Variants in JADE3 observed in about 807,000 individuals in gnomAD.
The protein encoded by JADE3 is jade family PHD finger 3, also known as protein Jade-3.
In JADE3, 2 loss-of-function variants were observed where a neutral mutation model predicts 50.1. The observed-to-expected ratio is 0.04, with a 90% CI of 0.02 to 0.13. The LOEUF (loss-of-function observed/expected upper bound fraction) is 0.13. Ranked by LOEUF, JADE3 falls within the 10% of genes least tolerant of loss-of-function variation. The pLI, the probability that JADE3 is intolerant of heterozygous loss-of-function variation, is 1.00. For synonymous variants in JADE3, 218 were observed against 232.9 expected (o/e 0.94, Z 0.58); for missense variants, 475 against 634.4 (o/e 0.75, Z 2.70).
chrX:47,058,763 A>G lies in JADE3; in HGVS notation c.2158A>G (p.Thr720Ala), dbSNP rs373703041. Reference sequence around the variant, plus strand: ...CTTTAGTAGGTCCTTTAAAGAGACCACCAATAGGTGGGTGAAGAACACAGA... The same window carrying G: ...CTTTAGTAGGTCCTTTAAAGAGACCGCCAATAGGTGGGTGAAGAACACAGA... ...EHFSRSFKET[T>A]NRWVKNTEDL... Residue 720 changes from threonine to alanine, a missense_variant, in exon 11 of 11, where the codon ACC becomes GCC. Thr to Ala is a moderately conservative substitution (Grantham distance 58). Around this residue, in one of 6 missense-constraint regions of JADE3, gnomAD observed 243 missense variants for 238.2 expected, o/e 1.02. Coordinates refer to ENST00000614628, the MANE Select transcript of JADE3 (RefSeq NM_014735.5). The G allele has an allele frequency of 4.1e-6, 5 of 1,208,121 alleles. No individual in the cohort carries two copies. The African/African-American group carries it at 7.0e-5, about 17-fold the overall frequency.
chrX:46,988,968 T>C (rs1217884957), intron 3 of JADE3, among the ~76,000 whole-genome samples: 2 of 112,290 alleles, frequency 1.8e-5, no homozygotes, highest in Non-Finnish European at 3.8e-5. Context: ...GCCTCCCAAG[T>C]AGCTGGGAGT....
chrX:46,937,984 A>T (rs1926671159), intron 1 of JADE3, among the ~76,000 whole-genome samples: 1 of 111,717 alleles, frequency 9.0e-6, no homozygotes, highest in Non-Finnish European at 1.9e-5. Flanking sequence ...ATCTCAAATA[A>T]ATAAACAAAT....
At position 47,060,241 on chromosome X, in the gene JADE3, G is replaced by GGC. The variant is rs1556374851; in HGVS notation, c.*1165_*1166insCG. 3 of 102,649 alleles carry GGC rather than the reference G, an allele frequency of 2.9e-5. No individual in the cohort carries two copies. The highest frequency in any genetic ancestry group is 6.0e-5 in the Non-Finnish European group (3 of 50,153). 8.5% of individuals were successfully genotyped at this position (102,649 alleles called of 1,213,427 possible). On this transcript the variant is annotated 3_prime_UTR_variant, in exon 11 of 11. Transcript: ENST00000614628. ...GGAAGAGAATAATTACATTTGCGGG[G>GGC]GGGGGGGTGGATAAAAACATGTCTG... is the stretch of plus-strand genomic sequence containing the variant.
intron 8 of JADE3, among the ~76,000 whole-genome samples, chrX:47,053,269 T>A (rs908249195): frequency 2.7e-5 from 3 of 110,314 alleles, no homozygotes; most frequent in Non-Finnish European, 5.7e-5. Flanking sequence ...TTTTAAAAAA[T>A]TCTTTTTGAG....
At chrX:46,948,809 CCTTT>C (rs1322787673) in intron 1 of JADE3, among the ~76,000 whole-genome samples, 1 of 111,822 alleles carries the variant, frequency 8.9e-6, no homozygotes, top group Admixed American at 9.5e-5. Context: ...CCTGAGTACC[CCTTT>C]CTTCTACCGC....
chrX:47,001,772 T>C (rs1447740040), intron 4 of JADE3, among the ~76,000 whole-genome samples: 2 of 112,174 alleles, frequency 1.8e-5, no homozygotes, highest in African/African-American at 6.5e-5. Flanking sequence ...CAATTAACAT[T>C]TTTAAGTACT....
At chrX:47,044,983 T>G (rs1418167350) in intron 8 of JADE3, among the ~76,000 whole-genome samples, 1 of 110,146 alleles carries the variant, frequency 9.1e-6, no homozygotes, top group African/African-American at 3.3e-5. Context: ...CCTGAGAATA[T>G]CACCTTCACT....
At chrX:46,919,291 G>T (rs1395215881) in intron 1 of JADE3, among the ~76,000 whole-genome samples, 1 of 111,697 alleles carries the variant, frequency 9.0e-6, no homozygotes, top group Non-Finnish European at 1.9e-5. Flanking sequence ...GAAAACCCTA[G>T]TGTATTAGAC....
intron 1 of JADE3, among the ~76,000 whole-genome samples, chrX:46,934,686 C>T (rs1328018879): frequency 9.1e-6 from 1 of 110,279 alleles, no homozygotes; most frequent in Non-Finnish European, 1.9e-5. Flanking sequence ...CCAACTACCT[C>T]GGCCTCCCAA....
chrX:47,043,518 C>T (rs1398049130), intron 8 of JADE3, among the ~76,000 whole-genome samples: 2 of 112,309 alleles, frequency 1.8e-5, no homozygotes, highest in East Asian at 5.6e-4. Context: ...TTAACAAAGA[C>T]ATTGAAGTAA....
intron 1 of JADE3, among the ~76,000 whole-genome samples, chrX:46,952,345 G>T (rs782726634): frequency 7.1e-5 from 8 of 112,051 alleles, no homozygotes; most frequent in Non-Finnish European, 1.3e-4. Flanking sequence ...TTTCTGTGGG[G>T]TGTAGTTCAA....
chrX:47,005,755 G>A (rs984078150), intron 4 of JADE3, among the ~76,000 whole-genome samples: 6 of 111,634 alleles, frequency 5.4e-5, no homozygotes, highest in Non-Finnish European at 9.4e-5. Context: ...GGAAACAATA[G>A]CAAGGCATTC....
rs1556373017 is a variant in JADE3 at position 47,054,616 on chromosome X, G to T, written c.1431G>T (p.Gln477His). ...TGAGAATGTTTATGCATCTACGCCA[G>T]GACCTGGAGAGGGTAAGGTGACCAG... is the stretch of plus-strand genomic sequence containing the variant. ...TRMRMFMHLR[Q>H]DLERVRNLCY... The change falls in exon 9 of 11, where the codon CAG becomes CAT. Residue 477 changes from glutamine to histidine, a missense_variant. Transcript: ENST00000614628. The T allele has an allele frequency of 8.4e-7, 1 of 1,183,655 alleles. No homozygotes were observed. The highest frequency in any genetic ancestry group is 1.8e-5 in the African/African-American group (1 of 56,961).
chrX:47,050,172 G>A (rs1203279934), intron 8 of JADE3, among the ~76,000 whole-genome samples: 2 of 106,988 alleles, frequency 1.9e-5, no homozygotes, highest in Non-Finnish European at 3.9e-5. Flanking sequence ...GAGCTCAAGC[G>A]ATCCTCTTGC....
At chrX:47,044,685 A>G (rs1929335948) in intron 8 of JADE3, among the ~76,000 whole-genome samples, 1 of 112,238 alleles carries the variant, frequency 8.9e-6, no homozygotes. Context: ...TAGAAAGACT[A>G]AAAGATTAGC....
intron 1 of JADE3, among the ~76,000 whole-genome samples, chrX:46,934,274 T>TACAGGC (rs1186866537): frequency 9.1e-6 from 1 of 109,615 alleles, no homozygotes; most frequent in African/African-American, 3.3e-5. Context: ...TAGGTGGGAC[T>TACAGGC]ACAGGCGCAC....
intron 1 of JADE3, among the ~76,000 whole-genome samples, chrX:46,961,853 A>G: frequency 8.9e-6 from 1 of 112,237 alleles, no homozygotes; most frequent in Non-Finnish European, 1.9e-5. Flanking sequence ...ATGAAATAAC[A>G]TTTACCATAA....
intron 1 of JADE3, among the ~76,000 whole-genome samples, chrX:46,926,081 G>A (rs1221982175): frequency 1.1e-5 from 1 of 88,918 alleles, no homozygotes; most frequent in Admixed American, 1.2e-4. Context: ...TATTTTAAGA[G>A]ATGGGACCTT....
chrX:46,967,027 T>C (rs1436877449), intron 1 of JADE3, among the ~76,000 whole-genome samples: 2 of 112,221 alleles, frequency 1.8e-5, no homozygotes, highest in African/African-American at 6.5e-5. Context: ...AAAGATACAT[T>C]GGTGAGTGCC....
Sources: allele counts gnomAD v4.1 joint callset (sites outside exome capture counted in the v4.1 genomes callset), GRCh38; gene constraint gnomAD v4.1.1; regional missense constraint gnomAD v4.1.1; transcripts MANE v1.5; gene names NCBI Gene and HGNC (gene_info 2026-07-23, HGNC 2026-07-21).